The following CHST9 variants were observed in gnomAD, a reference collection of about 807,000 sequenced individuals.
CHST9 encodes carbohydrate sulfotransferase 9, also known as GalNAc-4-sulfotransferase 2.
Under a neutral mutation model 44.4 loss-of-function variants are expected in CHST9, and 41 were observed. The ratio of observed to expected loss-of-function variants is 0.92; its 90% confidence interval spans 0.72 to 1.20. The LOEUF (loss-of-function observed/expected upper bound fraction) is 1.20. Among genes scored for constraint, CHST9 ranks in the 50% most tolerant of loss-of-function variants. The probability of loss-of-function intolerance (pLI) is 0.00; values close to 1 mark genes in which losing one functional copy is unlikely to be tolerated. For synonymous variants in CHST9, 171 were observed against 178.4 expected (o/e 0.96, Z 0.33); for missense variants, 504 against 516.5 (o/e 0.98, Z 0.23).
intron 4 of CHST9, among the ~76,000 whole-genome samples, chr18:26,946,969 T>C (rs1474475972): frequency 6.6e-6 from 1 of 152,200 alleles, no homozygotes; most frequent in Non-Finnish European, 1.5e-5. Context: ...CCAGCTTTGT[T>C]CTTTTTGCTT....
intron 1 of CHST9, among the ~76,000 whole-genome samples, chr18:27,145,676 T>C (rs1448471239): frequency 6.6e-6 from 1 of 152,212 alleles, no homozygotes; most frequent in Non-Finnish European, 1.5e-5. Context: ...GTAAAGAAAG[T>C]TTTTAAATAA....
chr18:26,935,213 A>G (rs1193727183), intron 5 of CHST9: 1 of 152,200 alleles, frequency 6.6e-6, no homozygotes, highest in East Asian at 1.9e-4. Context: ...ATGAGGCTTT[A>G]TTGTAATCTC....
chr18:27,044,132 T>C (rs1000963983), intron 3 of CHST9, among the ~76,000 whole-genome samples: 19 of 151,986 alleles, frequency 1.3e-4, no homozygotes, highest in Admixed American at 3.9e-4. Context: ...TCTCGCCTCT[T>C]CCAGGAAGCC....
intron 2 of CHST9, among the ~76,000 whole-genome samples, chr18:27,065,488 G>A (rs1373676872): frequency 6.6e-6 from 1 of 151,784 alleles, no homozygotes; most frequent in Non-Finnish European, 1.5e-5. Context: ...ATTCATTTTG[G>A]TTATTCAAGT....
At chr18:27,050,299 A>T (rs1449882601) in intron 2 of CHST9, among the ~76,000 whole-genome samples, 1 of 152,182 alleles carries the variant, frequency 6.6e-6, no homozygotes, top group African/African-American at 2.4e-5. Flanking sequence ...ATGCTTATAG[A>T]CTTAGGTAAG....
intron 4 of CHST9, among the ~76,000 whole-genome samples, chr18:27,021,139 G>C (rs958554339): frequency 6.6e-6 from 1 of 152,134 alleles, no homozygotes; most frequent in South Asian, 2.1e-4. Flanking sequence ...GGGGAGGCTG[G>C]GAATAGGCTG....
At chr18:27,014,953 A>C (rs2057133710) in intron 4 of CHST9, among the ~76,000 whole-genome samples, 1 of 152,054 alleles carries the variant, frequency 6.6e-6, no homozygotes, top group Non-Finnish European at 1.5e-5. Context: ...AGTGGGGGTC[A>C]CCAAGGACTC....
At chr18:27,000,176 G>A (rs1016266430) in intron 4 of CHST9, among the ~76,000 whole-genome samples, 1 of 152,134 alleles carries the variant, frequency 6.6e-6, no homozygotes, top group East Asian at 1.9e-4. Flanking sequence ...TATCCACCCC[G>A]GTTTTCAAAG....
At chr18:27,011,472 GA>G (rs1384827618) in intron 4 of CHST9, among the ~76,000 whole-genome samples, 1 of 152,054 alleles carries the variant, frequency 6.6e-6, no homozygotes, top group African/African-American at 2.4e-5. Context: ...TCAGGCTGGG[GA>G]AAAAAACAGA....
intron 3 of CHST9, among the ~76,000 whole-genome samples, chr18:27,028,552 TTC>T (rs2057307038): frequency 6.6e-6 from 1 of 151,714 alleles, no homozygotes. Context: ...TAAAAGTAAC[TTC>T]TTTTTTTTTT....
intron 2 of CHST9, among the ~76,000 whole-genome samples, chr18:27,056,067 CTTTT>C (rs1449543756): frequency 6.6e-6 from 1 of 151,992 alleles, no homozygotes; most frequent in Non-Finnish European, 1.5e-5. Context: ...TGCAGACTAG[CTTTT>C]TATTAGTCAA....
At chr18:27,138,401 T>C (rs116013030) in intron 2 of CHST9, among the ~76,000 whole-genome samples, 1,719 of 152,254 alleles carry the variant, frequency 0.011, 27 homozygotes, top group African/African-American at 0.036. Flanking sequence ...ATGCACTCAA[T>C]CCTATCCTTC....
rs77827991 is a variant in CHST9 at position 27,026,055 on chromosome 18, A to G, written c.161-1898T>C. Among the ~76,000 whole-genome samples, 133 of 152,340 alleles carry G rather than the reference A, an allele frequency of 8.7e-4. 5 individuals carry two copies. The East Asian group carries it at 0.022, about 25-fold the overall frequency. On this transcript the variant is annotated intron_variant, in intron 3 of 5. Coordinates refer to ENST00000618847, the MANE Select transcript of CHST9 (RefSeq NM_031422.6). ...TCTCATCAAATATTGCTTTTAAGCT[A>G]TCTGACTTATAACAATCAAGTCATT...
chr18:26,970,122 C>G (rs1414242932), intron 4 of CHST9, among the ~76,000 whole-genome samples: 1 of 152,184 alleles, frequency 6.6e-6, no homozygotes, highest in Non-Finnish European at 1.5e-5. Context: ...TCATGTCTGC[C>G]TCTAAACCAG....
At chr18:26,954,761 T>C (rs2056299043) in intron 4 of CHST9, among the ~76,000 whole-genome samples, 1 of 152,152 alleles carries the variant, frequency 6.6e-6, no homozygotes, top group Non-Finnish European at 1.5e-5. Context: ...TTCATAGCAC[T>C]TACCACAAAC....
chr18:27,127,108 G>A (rs572808003), intron 2 of CHST9, among the ~76,000 whole-genome samples: 12 of 152,268 alleles, frequency 7.9e-5, no homozygotes, highest in African/African-American at 2.6e-4. Flanking sequence ...AGTTTAAGGG[G>A]TCTGGAGACA....
intron 1 of CHST9, among the ~76,000 whole-genome samples, chr18:27,178,922 T>C (rs2058889105): frequency 6.6e-6 from 1 of 152,016 alleles, no homozygotes; most frequent in Non-Finnish European, 1.5e-5. Flanking sequence ...CAGTTCTTTT[T>C]TGCATAAGCA....
intron 3 of CHST9, among the ~76,000 whole-genome samples, chr18:27,038,379 G>C (rs200443219): frequency 6.6e-6 from 1 of 151,900 alleles, no homozygotes; most frequent in East Asian, 1.9e-4. Context: ...AACCCCGTCT[G>C]TACTAAAAAT....
rs560726541 is a variant in CHST9, at chr18:27,152,766, A to G, written c.-96-9861T>C. Among the ~76,000 whole-genome samples the G allele has an allele frequency of 1.1e-3, 168 of 152,230 alleles. 2 individuals are homozygous for G. The East Asian group carries it at 0.023, about 21-fold the overall frequency. ...TAGAAGATTTTAAAGGGAGCCTTTT[A>G]AAAAATTTTTGGAGTCCTGGGATTT... On this transcript the variant is annotated intron_variant, in intron 1 of 5. Coordinates refer to ENST00000618847, the MANE Select transcript of CHST9 (RefSeq NM_031422.6).
Sources: allele counts gnomAD v4.1 joint callset (sites outside exome capture counted in the v4.1 genomes callset), GRCh38; gene constraint gnomAD v4.1.1; transcripts MANE v1.5; gene names NCBI Gene and HGNC (gene_info 2026-07-23, HGNC 2026-07-21).